The following SDK2 variants were observed in gnomAD, a reference collection of about 807,000 sequenced individuals.
The protein encoded by SDK2 is protein sidekick-2.
SDK2 carries 105 observed loss-of-function variants against 253.9 expected under a neutral mutation model. The observed-to-expected ratio is 0.41, with a 90% CI of 0.35 to 0.49. The LOEUF (loss-of-function observed/expected upper bound fraction) is 0.49. Ranked by LOEUF, SDK2 falls within the 20% of genes least tolerant of loss-of-function variation. The pLI is 0.06. For synonymous variants in SDK2, 1,249 were observed against 1,234.9 expected (o/e 1.01, Z -0.24); for missense variants, 2,608 against 3,003.0 (o/e 0.87, Z 3.07).
chr17:73,559,862 T>C (rs9897349), intron 1 of SDK2, among the ~76,000 whole-genome samples: 26,527 of 152,222 alleles, frequency 0.17, 2,840 homozygotes, highest in African/African-American at 0.3. Context: ...TCAAAGCCTT[T>C]AGTCCCTGGC....
Position 73,639,174 on chromosome 17 carries a change from C to T in SDK2, c.64+4851G>A, listed in dbSNP as rs781453832. Among the ~76,000 whole-genome samples the T allele has an allele frequency of 4.9e-4, 75 of 152,310 alleles. No homozygotes were observed. The highest frequency in any genetic ancestry group is 8.7e-4 in the Non-Finnish European group (59 of 68,010). ...TGAGAAAACTGGCTCAGCTCAGCAT[C>T]GCCCAGTGATGGAGGCAGGATTCAA... On this transcript the variant is annotated intron_variant, in intron 1 of 44. Coordinates refer to ENST00000392650, the MANE Select transcript of SDK2 (RefSeq NM_001144952.2). The surrounding 1 kb of genome is among the most constrained non-coding windows in gnomAD (Gnocchi z 4.3).
At chr17:73,632,413 G>C (rs560914884) in intron 1 of SDK2, among the ~76,000 whole-genome samples, 2 of 152,338 alleles carry the variant, frequency 1.3e-5, no homozygotes, top group Admixed American at 6.5e-5. Flanking sequence ...TCCTGCCCTT[G>C]AACATCGGAC....
chr17:73,513,488 C>T (rs896465684), intron 1 of SDK2: 3 of 152,226 alleles, frequency 2.0e-5, no homozygotes, highest in African/African-American at 4.8e-5. Flanking sequence ...CAGGCACCCT[C>T]GCAGACAGCT....
intron 2 of SDK2, among the ~76,000 whole-genome samples, chr17:73,473,595 T>C (rs34939580): frequency 0.033 from 4,989 of 152,304 alleles, 106 homozygotes; most frequent in South Asian, 0.05. Context: ...TATTAATACA[T>C]GAGATCTGGC....
intron 1 of SDK2, among the ~76,000 whole-genome samples, chr17:73,553,367 C>T (rs1318537011): frequency 6.6e-6 from 1 of 152,092 alleles, no homozygotes; most frequent in Non-Finnish European, 1.5e-5. Flanking sequence ...CCATAGTGAC[C>T]CTGGAAGGTG....
chr17:73,338,979 T>C lies in SDK2; in HGVS notation c.6166-39A>G, dbSNP rs780492722. ...GAATCAGGGTGTGTCAGTGGCCCCG[T>C]AGGGACAGGCCATTGTGGTTGGGGC... On this transcript the variant is annotated intron_variant, in intron 44 of 44. Transcript: ENST00000392650. This position sits in a 1 kb window ranked among gnomAD's most constrained non-coding sequence, Gnocchi z 5.0. 4 of 1,572,166 alleles carry C rather than the reference T, an allele frequency of 2.5e-6. No individual in the cohort carries two copies. The highest frequency in any genetic ancestry group is 1.3e-5 in the African/African-American group (1 of 74,156).
At chr17:73,342,130 G>A (rs1263465469) in intron 44 of SDK2, among the ~76,000 whole-genome samples, 1 of 146,784 alleles carries the variant, frequency 6.8e-6, no homozygotes, top group Non-Finnish European at 1.5e-5. Flanking sequence ...ATACTCCCTA[G>A]TCCATCTGCT....
intron 1 of SDK2, among the ~76,000 whole-genome samples, chr17:73,575,574 CTA>C: frequency 6.6e-6 from 1 of 152,342 alleles, no homozygotes; most frequent in African/African-American, 2.4e-5. Context: ...CCAGTCTGTA[CTA>C]TATCTGCAGA....
intron 29 of SDK2, among the ~76,000 whole-genome samples, chr17:73,389,827 G>A (rs1008921482): frequency 6.6e-6 from 1 of 152,178 alleles, no homozygotes; most frequent in Non-Finnish European, 1.5e-5. Context: ...TTGGCTCACT[G>A]CAACCTCCGT....
chr17:73,407,037 G>A (rs1331356573), intron 18 of SDK2, among the ~76,000 whole-genome samples: 1 of 152,212 alleles, frequency 6.6e-6, no homozygotes, highest in Non-Finnish European at 1.5e-5. Context: ...GATTATTAAA[G>A]AGTCTGTCAT....
At chr17:73,621,859 G>A (rs1441353961) in intron 1 of SDK2, among the ~76,000 whole-genome samples, 2 of 152,112 alleles carry the variant, frequency 1.3e-5, no homozygotes, top group Non-Finnish European at 2.9e-5. Context: ...AAGAAAAAAT[G>A]GGGCTAAAAG....
chr17:73,492,818 TG>T (rs1196300677), intron 2 of SDK2, among the ~76,000 whole-genome samples: 1 of 151,788 alleles, frequency 6.6e-6, no homozygotes, highest in African/African-American at 2.4e-5. Flanking sequence ...ATGAATGGGC[TG>T]GGGGCGGGGA....
At chr17:73,351,325 G>A (rs2062536543) in intron 41 of SDK2, among the ~76,000 whole-genome samples, 1 of 152,134 alleles carries the variant, frequency 6.6e-6, no homozygotes, top group Non-Finnish European at 1.5e-5. Context: ...GGCCAGGCTG[G>A]TCTCTAACTC....
Position 73,342,982 on chromosome 17 carries a change from G to A in SDK2, c.6166-4042C>T, listed in dbSNP as rs1007661454. Among the ~76,000 whole-genome samples, 143 of 152,190 alleles carry A rather than the reference G, an allele frequency of 9.4e-4. 4 individuals are homozygous for A. The highest frequency in any genetic ancestry group is 9.4e-3 in the Admixed American group (143 of 15,280). Reference sequence around the variant, plus strand: ...GGGATTAGAAGGGGCCAGGAAGCCGGGGAGGCTGACTCAGTGCTCAGGCAG... The same window carrying A: ...GGGATTAGAAGGGGCCAGGAAGCCGAGGAGGCTGACTCAGTGCTCAGGCAG... On this transcript the variant is annotated intron_variant, in intron 44 of 44. Coordinates refer to ENST00000392650, the MANE Select transcript of SDK2 (RefSeq NM_001144952.2).
chr17:73,455,967 A>C lies in SDK2; in HGVS notation c.418T>G (p.Phe140Val). 3.2e-6 allele frequency: 5 copies of C among 1,548,606 alleles called. No homozygotes were observed. The East Asian group carries it at 1.2e-4, about 38-fold the overall frequency. ...AVIRAPRIAS[F>V]PQPQVTWFRD... ...AACCAGGTCACCTGTGGCTGGGGGA[A>C]GCTGGCGATGCGCGGGGCACGGATG... is the stretch of plus-strand genomic sequence containing the variant. Residue 140 changes from phenylalanine (F) to valine (V), a missense_variant, in exon 4 of 45, where the codon TTC becomes GTC. Physicochemically the swap from Phe to Val is conservative, Grantham distance 50. This residue lies in a region of SDK2 where 1,505 missense variants were observed against 1,859.1 expected (regional missense o/e 0.81). Transcript: ENST00000392650. The surrounding 1 kb of genome is among the most constrained non-coding windows in gnomAD (Gnocchi z 5.0).
At chr17:73,531,036 T>A (rs1484360508) in intron 1 of SDK2, among the ~76,000 whole-genome samples, 1 of 152,156 alleles carries the variant, frequency 6.6e-6, no homozygotes, top group Admixed American at 6.5e-5. Flanking sequence ...TTTCCCGCCT[T>A]TCCTTCCCTG....
chr17:73,600,497 C>G (rs1248640372), intron 1 of SDK2, among the ~76,000 whole-genome samples: 1 of 152,110 alleles, frequency 6.6e-6, no homozygotes, highest in East Asian at 1.9e-4. Flanking sequence ...GCTGTCCCAC[C>G]TAGGGGGACA....
Position 73,395,181 on chromosome 17 carries a change from G to A in SDK2, c.3566C>T (p.Thr1189Met), listed in dbSNP as rs149731522. The change falls in exon 25 of 45, where the codon ACG becomes ATG. Residue 1189 changes from threonine to methionine, a missense_variant. Transcript: ENST00000392650. This position sits in a 1 kb window ranked among gnomAD's most constrained non-coding sequence, Gnocchi z 4.3. ...NAIGSGPWSQ[T>M]VVGRTRESVP... ...TGACTCCCGGGTCCTGCCCACCACC[G>A]TCTGGCTCCAGGGCCCGCTCCCGAT... 4.2e-5 allele frequency: 68 copies of A among 1,604,208 alleles called. No homozygotes were observed. The African/African-American group carries it at 5.7e-4, about 14-fold the overall frequency.
In SDK2 at chr17:73,529,927, G is replaced by A. The variant is rs138130165; in HGVS notation, c.65-22330C>T. Among the ~76,000 whole-genome samples the A allele has an allele frequency of 6.5e-4, 99 of 152,316 alleles. No homozygotes were observed. The East Asian group carries it at 0.018, about 28-fold the overall frequency. On this transcript the variant is annotated intron_variant, in intron 1 of 44. Coordinates refer to ENST00000392650, the MANE Select transcript of SDK2 (RefSeq NM_001144952.2). ...ATGGCAGCCACAGGAAACACATAGA[G>A]TTGTTAACACGGTAGTGGGAGAGAT...
Sources: gnomAD v4.1 joint callset for allele counts (sites outside exome capture counted in the v4.1 genomes callset) on GRCh38, gnomAD v4.1.1 for gene constraint, gnomAD v4.1.1 regional missense constraint, Gnocchi (gnomAD v3.1) non-coding constraint, MANE v1.5 for transcripts, NCBI Gene and HGNC (gene_info 2026-07-23, HGNC 2026-07-21) for gene names.